MARK3: variants seen among roughly 807,000 people sequenced by gnomAD.
MARK3 encodes the protein MAP/microtubule affinity-regulating kinase 3.
Under a neutral mutation model 90.1 loss-of-function variants are expected in MARK3, and 46 were observed. The ratio of observed to expected loss-of-function variants is 0.51; its 90% CI spans 0.40 to 0.65. The LOEUF is 0.65. Among genes scored for constraint, MARK3 ranks in the 30% least tolerant of loss-of-function variants. The probability of loss-of-function intolerance (pLI) is 0.00; values close to 1 mark genes in which losing one functional copy is unlikely to be tolerated. For missense variants in MARK3, 818 were observed against 947.2 expected, an observed-to-expected ratio of 0.86 and a Z score of 1.79; for synonymous variants, 321 against 332.6, an observed-to-expected ratio of 0.97 and a Z score of 0.38.
chr14:103,502,332 G>A (rs927329277), intron 17 of MARK3, among the ~76,000 whole-genome samples: 1 of 152,238 alleles, frequency 6.6e-6, no homozygotes, highest in African/African-American at 2.4e-5. Flanking sequence ...ACAAACCAGA[G>A]AGGAGGAAAA....
intron 16 of MARK3, 31 bp from the exon 17 acceptor site, chr14:103,500,125 T>C (rs757097722): frequency 1.3e-6 from 2 of 1,585,996 alleles, no homozygotes; most frequent in South Asian, 1.1e-5. Context: ...TCTTTCCCTC[T>C]TCTCTCTGCT....
At chr14:103,432,832 G>T (rs4900575) in intron 3 of MARK3, among the ~76,000 whole-genome samples, 1 of 151,862 alleles carries the variant, frequency 6.6e-6, no homozygotes, top group Non-Finnish European at 1.5e-5. Flanking sequence ...TTCCAGCCTG[G>T]GCAACAGAGC....
At chr14:103,479,121 A>C (rs1305920837) in intron 13 of MARK3, among the ~76,000 whole-genome samples, 1 of 152,046 alleles carries the variant, frequency 6.6e-6, no homozygotes, top group African/African-American at 2.4e-5. Flanking sequence ...CCCAGACCCA[A>C]GTGATCCTCC....
chr14:103,487,892 C>A (rs1233202557), intron 14 of MARK3, among the ~76,000 whole-genome samples: 2 of 151,956 alleles, frequency 1.3e-5, no homozygotes, highest in African/African-American at 4.8e-5. Context: ...ACGAAAAATA[C>A]AAAAAATTAG....
chr14:103,397,057 A>G (rs2090624791), intron 1 of MARK3, among the ~76,000 whole-genome samples: 1 of 152,140 alleles, frequency 6.6e-6, no homozygotes, highest in Non-Finnish European at 1.5e-5. Flanking sequence ...CGTATTAAAT[A>G]TGTTTCTTTT....
chr14:103,450,382 A>G (rs1482198093), intron 4 of MARK3, among the ~76,000 whole-genome samples: 1 of 152,170 alleles, frequency 6.6e-6, no homozygotes, highest in Admixed American at 6.5e-5. Flanking sequence ...GTTGCCTAGA[A>G]CAAGCTAACG....
At chr14:103,404,426 T>G (rs772481750) in intron 1 of MARK3, among the ~76,000 whole-genome samples, 1 of 152,216 alleles carries the variant, frequency 6.6e-6, no homozygotes, top group Non-Finnish European at 1.5e-5. Flanking sequence ...CATACAGCCA[T>G]GTACACAGTG....
Position 103,476,285 on chromosome 14 carries a change from A to C in MARK3, c.1482+1075A>C, listed in dbSNP as rs2093713516. On this transcript the variant is annotated intron_variant, in intron 13 of 17. Coordinates refer to ENST00000429436, the MANE Select transcript of MARK3 (RefSeq NM_001128918.3). ...GCACACACGGGGAGGTCTGACTGCC[A>C]GTGCCCCAAAGATGTGGTGTTCACA... Among the ~76,000 whole-genome samples the C allele has an allele frequency of 2.6e-5, 4 of 152,358 alleles. No individual in the cohort carries two copies. The South Asian group carries it at 8.3e-4, about 32-fold the overall frequency.
At chr14:103,395,244 GA>G (rs897032373) in intron 1 of MARK3, among the ~76,000 whole-genome samples, 6 of 151,754 alleles carry the variant, frequency 4.0e-5, no homozygotes, top group Admixed American at 3.3e-4. Flanking sequence ...TATAAAAGGA[GA>G]AATTAGAATT....
intron 5 of MARK3, among the ~76,000 whole-genome samples, chr14:103,455,688 A>G (rs2093262065): frequency 6.7e-6 from 1 of 150,194 alleles, no homozygotes; most frequent in Non-Finnish European, 1.5e-5. Flanking sequence ...AGATCGGGCC[A>G]CTGCACTACA....
At chr14:103,496,213 A>C (rs142455553) in intron 15 of MARK3, among the ~76,000 whole-genome samples, 36 of 152,278 alleles carry the variant, frequency 2.4e-4, no homozygotes, top group Non-Finnish European at 3.7e-4. Context: ...TTATACCTCA[A>C]GGGATTATAG....
At chr14:103,411,064 G>A (rs1050830056) in intron 2 of MARK3, among the ~76,000 whole-genome samples, 6 of 152,158 alleles carry the variant, frequency 3.9e-5, no homozygotes, top group African/African-American at 1.4e-4. Context: ...CACGAGGTCA[G>A]GAGATCGAGA....
At chr14:103,454,028 G>A (rs2093217304) in intron 5 of MARK3, among the ~76,000 whole-genome samples, 1 of 152,188 alleles carries the variant, frequency 6.6e-6, no homozygotes, top group Non-Finnish European at 1.5e-5. Context: ...AAACATCTAA[G>A]AGTCATCCAG....
chr14:103,476,209 G>C (rs2093711649), intron 13 of MARK3, among the ~76,000 whole-genome samples: 1 of 152,166 alleles, frequency 6.6e-6, no homozygotes, highest in Admixed American at 6.5e-5. Context: ...AGACCTCACA[G>C]TCTAACAGGA....
chr14:103,486,271 T>G (rs1411045484), intron 14 of MARK3, among the ~76,000 whole-genome samples: 1 of 152,126 alleles, frequency 6.6e-6, no homozygotes, highest in African/African-American at 2.4e-5. Context: ...AAACCCCATC[T>G]CTACTAAAAA....
chr14:103,448,877 T>C, intron 3 of MARK3, 42 bp from the exon 4 acceptor site: 1 of 690,236 alleles, frequency 1.4e-6, no homozygotes, highest in Non-Finnish European at 2.1e-6. Flanking sequence ...TTTAATAACT[T>C]GTGTTGGGGG....
chr14:103,477,754 G>A (rs961288895), intron 13 of MARK3, among the ~76,000 whole-genome samples: 2 of 151,988 alleles, frequency 1.3e-5, no homozygotes, highest in African/African-American at 2.4e-5. Flanking sequence ...GGGAGGCTGA[G>A]GTGGGAGGAT....
At chr14:103,407,909 C>CT (rs2091411558) in intron 2 of MARK3, among the ~76,000 whole-genome samples, 1 of 152,026 alleles carries the variant, frequency 6.6e-6, no homozygotes. Flanking sequence ...TTCCCTGTAC[C>CT]TGAAATACTC....
intron 1 of MARK3, among the ~76,000 whole-genome samples, chr14:103,388,017 C>T (rs1226056628): frequency 2.6e-5 from 4 of 152,204 alleles, no homozygotes; most frequent in Non-Finnish European, 4.4e-5. Context: ...CTGCAACCTC[C>T]GCCTCCCGGG....
Sources: allele counts gnomAD v4.1 joint callset (sites outside exome capture counted in the v4.1 genomes callset), GRCh38; gene constraint gnomAD v4.1.1; transcripts MANE v1.5; gene names NCBI Gene and HGNC (gene_info 2026-07-23, HGNC 2026-07-21).